The following DCPH1 variants were observed in gnomAD, a reference collection of about 807,000 sequenced individuals.
The protein encoded by DCPH1 is damage-control phosphatase 1.
At chr6:151,462,490 A>AT in the DCPH1 span, among the ~76,000 whole-genome samples, 5 of 152,200 alleles carry the variant, frequency 3.3e-5, no homozygotes. Context: ...AGACTCATCC[A>AT]TATGTTACAA....
chr6:151,459,479 A>G, the DCPH1 span, among the ~76,000 whole-genome samples: 1 of 152,190 alleles, frequency 6.6e-6, no homozygotes, highest in East Asian at 1.9e-4. Flanking sequence ...AATTTTTCCT[A>G]GGAAAACATC....
the DCPH1 span, among the ~76,000 whole-genome samples, chr6:151,458,172 A>G: frequency 1.3e-5 from 2 of 152,010 alleles, no homozygotes; most frequent in Non-Finnish European, 2.9e-5. Flanking sequence ...GTGTTTTTTG[A>G]TTTTCAGTTT....
chr6:151,468,079 ATG>A, the DCPH1 span, among the ~76,000 whole-genome samples: 1 of 152,262 alleles, frequency 6.6e-6, no homozygotes, highest in South Asian at 2.1e-4. Flanking sequence ...TGAATAAACA[ATG>A]TGAGTGCTGA....
the DCPH1 span, chr6:151,468,736 G>A: frequency 6.2e-7 from 1 of 1,614,164 alleles, no homozygotes; most frequent in Non-Finnish European, 8.5e-7. Context: ...GTGTGGGGCT[G>A]ACTGGGAAGA....
the DCPH1 span, among the ~76,000 whole-genome samples, chr6:151,455,682 A>G: frequency 1.3e-5 from 2 of 152,036 alleles, no homozygotes; most frequent in Non-Finnish European, 2.9e-5. Context: ...CGGGCAGGAG[A>G]CAGATGCCTT....
At chr6:151,458,082 T>C in the DCPH1 span, among the ~76,000 whole-genome samples, 2 of 152,198 alleles carry the variant, frequency 1.3e-5, no homozygotes, top group African/African-American at 4.8e-5. Flanking sequence ...CCCTCTGTGG[T>C]AATGGTCATC....
At chr6:151,466,094 T>G in the DCPH1 span, among the ~76,000 whole-genome samples, 1 of 152,176 alleles carries the variant, frequency 6.6e-6, no homozygotes, top group African/African-American at 2.4e-5. Context: ...AATTTTTGTA[T>G]TTTTAGTAGA....
chr6:151,460,573 C>G, the DCPH1 span, among the ~76,000 whole-genome samples: 55 of 151,820 alleles, frequency 3.6e-4, no homozygotes, highest in East Asian at 9.3e-3. Flanking sequence ...ATCAAAAGGT[C>G]AAGAGGTCGA....
the DCPH1 span, among the ~76,000 whole-genome samples, chr6:151,462,574 C>T: frequency 4.6e-5 from 7 of 152,232 alleles, no homozygotes; most frequent in East Asian, 1.9e-4. Context: ...CTGTTTACTT[C>T]GTTGTGATGG....
chr6:151,453,767 C>T, the DCPH1 span, among the ~76,000 whole-genome samples: 3 of 152,162 alleles, frequency 2.0e-5, no homozygotes, highest in African/African-American at 7.2e-5. Context: ...CTACCTGTAT[C>T]ATGTATTTCC....
the DCPH1 span, among the ~76,000 whole-genome samples, chr6:151,462,824 G>T: frequency 6.6e-6 from 1 of 152,024 alleles, no homozygotes; most frequent in African/African-American, 2.4e-5. Flanking sequence ...CGAAAATAAG[G>T]CTCATTCTTA....
the DCPH1 span, among the ~76,000 whole-genome samples, chr6:151,466,896 A>G: frequency 6.6e-6 from 1 of 152,182 alleles, no homozygotes; most frequent in Non-Finnish European, 1.5e-5. Context: ...GACCTTGGAC[A>G]CTTTAGTTAT....
chr6:151,454,069 G>A, the DCPH1 span, among the ~76,000 whole-genome samples: 1 of 152,128 alleles, frequency 6.6e-6, no homozygotes, highest in Non-Finnish European at 1.5e-5. Flanking sequence ...ACAGAATGGA[G>A]AGAAACAGGC....
chr6:151,468,363 G>A, the DCPH1 span: 4 of 1,555,168 alleles, frequency 2.6e-6, no homozygotes, highest in Non-Finnish European at 3.5e-6. Context: ...GGGGAAATAA[G>A]TGTGATCTGT....
the DCPH1 span, among the ~76,000 whole-genome samples, chr6:151,458,854 T>A: frequency 6.6e-6 from 1 of 152,216 alleles, no homozygotes; most frequent in Admixed American, 6.5e-5. Context: ...AAAGTACGAA[T>A]TGGCCAGGCC....
the DCPH1 span, chr6:151,454,709 A>G: frequency 5.2e-5 from 45 of 861,164 alleles, no homozygotes; most frequent in African/African-American, 6.2e-4. Context: ...AAACATAATA[A>G]ATAGTTCTTG....
At chr6:151,469,220 A>C in the DCPH1 span, 1 of 862,856 alleles carries the variant, frequency 1.2e-6, no homozygotes, top group Admixed American at 3.2e-5. Context: ...GCGCTCAGGG[A>C]AGCTTAGCTT....
chr6:151,458,747 A>G, the DCPH1 span, among the ~76,000 whole-genome samples: 3 of 151,304 alleles, frequency 2.0e-5, no homozygotes, highest in Non-Finnish European at 2.9e-5. Flanking sequence ...CATTTCTACA[A>G]ATGTTACTGA....
chr6:151,455,525 A>C, the DCPH1 span, among the ~76,000 whole-genome samples: 1 of 152,070 alleles, frequency 6.6e-6, no homozygotes, highest in South Asian at 2.1e-4. Flanking sequence ...GTGCTTTTAG[A>C]TATGCATACA....
Sources: gnomAD v4.1 joint callset for allele counts (sites outside exome capture counted in the v4.1 genomes callset) on GRCh38, gnomAD v4.1.1 for gene constraint, MANE v1.5 for transcripts, NCBI Gene and HGNC (gene_info 2026-07-23, HGNC 2026-07-21) for gene names.